ADAM11: variants seen among roughly 807,000 people sequenced by gnomAD.
ADAM11 encodes ADAM metallopeptidase domain 11, also known as disintegrin and metalloproteinase domain-containing protein 11.
Under a neutral mutation model 119.1 loss-of-function variants are expected in ADAM11, and 49 were observed. That is an observed-to-expected ratio of 0.41 (90% CI 0.33 to 0.52). The LOEUF (loss-of-function observed/expected upper bound fraction) is 0.52. Ranked by LOEUF, ADAM11 falls within the 20% of genes least tolerant of loss-of-function variation. The pLI is 0.20. For missense variants in ADAM11, 777 were observed against 1,047.5 expected (o/e 0.74, Z 3.56); for synonymous variants, 364 against 408.0 (o/e 0.89, Z 1.30).
intron 2 of ADAM11, among the ~76,000 whole-genome samples, chr17:44,763,721 C>A (rs1265349052): frequency 1.4e-5 from 2 of 144,250 alleles, no homozygotes; most frequent in Non-Finnish European, 3.1e-5. Context: ...TGTTTTCTTT[C>A]TTTTTTTTTT....
chr17:44,767,376 A>T (rs1161655148), intron 2 of ADAM11, among the ~76,000 whole-genome samples: 3 of 151,228 alleles, frequency 2.0e-5, no homozygotes, highest in Non-Finnish European at 3.0e-5. Context: ...AAAAAAAAAA[A>T]AGAACATTGG....
Position 44,774,475 on chromosome 17 carries a change from A to G in ADAM11, c.1078-17A>G, listed in dbSNP as rs1407989106. ...TGGAAGATGTAGACATCTGTGCCCC[A>G]TCTTCCCCACCCCCAGTACGGCAAC... On this transcript the variant is annotated splice_polypyrimidine_tract_variant and intron_variant, in intron 12 of 26. Transcript: ENST00000200557. 1.2e-6 allele frequency: 2 copies of G among 1,611,788 alleles called. No homozygotes were observed. Among genetic ancestry groups the G allele is most frequent in the Admixed American group, 3.3e-5 (2 of 59,794 alleles).
intron 2 of ADAM11, among the ~76,000 whole-genome samples, chr17:44,761,373 C>G (rs941717067): frequency 6.6e-6 from 1 of 152,084 alleles, no homozygotes; most frequent in Non-Finnish European, 1.5e-5. Flanking sequence ...TGACCCTTTC[C>G]GAACAGAGAC....
rs1482076376 is a variant in ADAM11, at chr17:44,776,841, T to A, written c.1617+46T>A. ...GCCTGGGATTCAGGGCAGTCTCTTGTCTCCACTCTGACCACTCAGCATCTC... is the reference window on the plus strand; with the variant it reads ...GCCTGGGATTCAGGGCAGTCTCTTGACTCCACTCTGACCACTCAGCATCTC... On this transcript the variant is annotated intron_variant, in intron 19 of 26. Coordinates refer to ENST00000200557, the MANE Select transcript of ADAM11 (RefSeq NM_002390.6). The surrounding 1 kb of genome is among the most constrained non-coding windows in gnomAD (Gnocchi z 5.2). 6.2e-7 allele frequency: 1 copy of A among 1,614,010 alleles called. No individual in the cohort carries two copies. Among genetic ancestry groups the A allele is most frequent in the South Asian group, 1.1e-5 (1 of 91,072 alleles).
At position 44,777,667 on chromosome 17, in the gene ADAM11, G is replaced by T. The variant is rs758465806; in HGVS notation, c.1902-28G>T. 3.4e-5 allele frequency: 55 copies of T among 1,613,148 alleles called. No individual in the cohort carries two copies. The highest frequency in any genetic ancestry group is 1.5e-4 in the Admixed American group (9 of 59,990). ...TGTGCTGGGGGTTAGGAGACAGGGG[G>T]CTGAGGCTGGCTGTGTCACTTCCCC... is the stretch of plus-strand genomic sequence containing the variant. On this transcript the variant is annotated intron_variant, in intron 22 of 26. Transcript: ENST00000200557. This position sits in a 1 kb window ranked among gnomAD's most constrained non-coding sequence, Gnocchi z 5.1.
At chr17:44,766,492 G>C (rs2049452342) in intron 2 of ADAM11, among the ~76,000 whole-genome samples, 1 of 152,174 alleles carries the variant, frequency 6.6e-6, no homozygotes, top group Non-Finnish European at 1.5e-5. Flanking sequence ...GAGAGTGGGT[G>C]GGCCAGCCAG....
rs2049592737 is a variant in ADAM11, at chr17:44,775,760, G to C, written c.1485+84G>C. 2.3e-5 allele frequency: 32 copies of C among 1,391,050 alleles called. No individual in the cohort carries two copies. Among genetic ancestry groups the C allele is most frequent in the Non-Finnish European group, 3.1e-5 (32 of 1,032,350 alleles). 86.2% of individuals were successfully genotyped at this position (1,391,050 alleles called of 1,614,324 possible). On this transcript the variant is annotated intron_variant, in intron 17 of 26. Transcript: ENST00000200557. This position sits in a 1 kb window ranked among gnomAD's most constrained non-coding sequence, Gnocchi z 7.5. ...CATATAAGGGGTGGGAGCTAGGGAG[G>C]GAAGCGGAGCCTTCGGGGACGAAGG... is the stretch of plus-strand genomic sequence containing the variant.
At chr17:44,766,945 CTG>C (rs2049457730) in intron 2 of ADAM11, among the ~76,000 whole-genome samples, 2 of 152,072 alleles carry the variant, frequency 1.3e-5, no homozygotes, top group Admixed American at 1.3e-4. Context: ...AGGCTCAAGT[CTG>C]TAATCCTAGC....
chr17:44,759,664 C>A, intron 1 of ADAM11, 58 bp from the exon 2 acceptor site: 1 of 1,311,422 alleles, frequency 7.6e-7, no homozygotes, highest in Non-Finnish European at 9.8e-7. Context: ...CCACCCCATT[C>A]CCAAGTCTTC....
rs2049583833 is a variant in ADAM11, at chr17:44,775,321, C to T, written c.1320+10C>T. ...CAACAAGCCCCTCAAGGTACCAGCCCCGCGGCGGGGAGCATGGGAGCGGGC... is the reference window on the plus strand; with the variant it reads ...CAACAAGCCCCTCAAGGTACCAGCCTCGCGGCGGGGAGCATGGGAGCGGGC... On this transcript the variant is annotated intron_variant, in intron 15 of 26. Transcript: ENST00000200557. This position sits in a 1 kb window ranked among gnomAD's most constrained non-coding sequence, Gnocchi z 7.5. 1.2e-6 allele frequency: 2 copies of T among 1,613,606 alleles called. No homozygotes were observed. Among genetic ancestry groups the T allele is most frequent in the African/African-American group, 1.3e-5 (1 of 74,934 alleles).
intron 2 of ADAM11, among the ~76,000 whole-genome samples, chr17:44,766,809 A>G (rs755160544): frequency 2.0e-5 from 3 of 152,146 alleles, no homozygotes; most frequent in Non-Finnish European, 4.4e-5. Flanking sequence ...CTCAAGACCA[A>G]AGGCCCCTCC....
chr17:44,772,247 C>A lies in ADAM11; in HGVS notation c.544-20C>A. 6.2e-7 allele frequency: 1 copy of A among 1,601,170 alleles called. No homozygotes were observed. Among genetic ancestry groups the A allele is most frequent in the Non-Finnish European group, 8.5e-7 (1 of 1,172,978 alleles). On this transcript the variant is annotated intron_variant, in intron 6 of 26. Coordinates refer to ENST00000200557, the MANE Select transcript of ADAM11 (RefSeq NM_002390.6). This position sits in a 1 kb window ranked among gnomAD's most constrained non-coding sequence, Gnocchi z 4.5. ...GCAGGCCCAGTTGGCACCCCAAGAA[C>A]TAATTTCCCCTCATTGCAGGGACCC...
chr17:44,767,354 CAAAAAAAAAAAA>C (rs72428475), intron 2 of ADAM11, among the ~76,000 whole-genome samples: 5 of 56,920 alleles, frequency 8.8e-5, no homozygotes, highest in East Asian at 5.8e-4. Flanking sequence ...GACTCCATCT[CAAAAAAAAAAAA>C]AAAAAAAAAA....
chr17:44,767,434 G>A (rs2049464620), intron 2 of ADAM11, among the ~76,000 whole-genome samples: 1 of 151,912 alleles, frequency 6.6e-6, no homozygotes, highest in African/African-American at 2.4e-5. Context: ...TGTGCCAGCA[G>A]GAGTCCCCTC....
Position 44,777,257 on chromosome 17 carries a change from C to A in ADAM11, c.1773C>A (p.Cys591Ter), listed in dbSNP as rs747930512. 6.2e-7 allele frequency: 1 copy of A among 1,604,166 alleles called. No individual in the cohort carries two copies. Among genetic ancestry groups the A allele is most frequent in the South Asian group, 1.1e-5 (1 of 90,580 alleles). The change falls in exon 21 of 27, where the codon TGC (cysteine) becomes TGA (stop). Residue 591 changes from cysteine to a stop codon, truncating the protein, a stop_gained. Transcript: ENST00000200557. LOFTEE classifies it high-confidence loss of function. This position sits in a 1 kb window ranked among gnomAD's most constrained non-coding sequence, Gnocchi z 5.1. ...CGRKGSGWVQ[C>*]SKQDVLCGFL... ...GCAAGGGATCTGGCTGGGTCCAGTG[C>A]AGTAAGCAGTGAGTACTGAGGCTCC...
chr17:44,768,302 GA>G (rs1308990219), intron 2 of ADAM11, among the ~76,000 whole-genome samples: 2 of 152,212 alleles, frequency 1.3e-5, no homozygotes, highest in African/African-American at 4.8e-5. Context: ...GCTCAGGATG[GA>G]ATTGGGAGCC....
rs566515861 is a variant in ADAM11, at chr17:44,778,688, C to CA, written c.2276+471dup. Among the ~76,000 whole-genome samples, 508 of 51,896 alleles carry CA rather than the reference C, an allele frequency of 9.8e-3. 11 individuals carry two copies. The highest frequency in any genetic ancestry group is 0.015 in the East Asian group (31 of 2,084). The allele number at this position is 51,896 out of a possible 152,430, so 34.0% of individuals were successfully genotyped here. A position where few individuals can be genotyped will look rare whatever the true frequency, so the allele number is the denominator to read the frequency against. On this transcript the variant is annotated intron_variant, in intron 25 of 26. Coordinates refer to ENST00000200557, the MANE Select transcript of ADAM11 (RefSeq NM_002390.6). ...CCTGGGTGACAGAGCAAGACTGCGT[C>CA]AAAAAAAAAAAAAAAAAAAAAAAAA...
At chr17:44,770,454 C>T (rs1242946579) in intron 4 of ADAM11, among the ~76,000 whole-genome samples, 4 of 150,986 alleles carry the variant, frequency 2.6e-5, no homozygotes, top group Non-Finnish European at 1.5e-5. Context: ...GCTCTAGAGC[C>T]TGAAAATGAA....
Position 44,774,521 on chromosome 17 carries a change from C to T in ADAM11, c.1107C>T (p.Thr369=). The change falls in exon 13 of 27, where the codon ACC becomes ACT. Residue 369 remains threonine (T), a synonymous_variant. Transcript: ENST00000200557. ...GCAACATGGGGGCGATGGCCGTGAC[C>T]CTTGCCCAGACGCTGGGACAGAACC... ...EYGNMGAMAV[T]LAQTLGQNLG... is the part of the protein sequence containing the mutation. 2 of 1,613,398 alleles carry T rather than the reference C, an allele frequency of 1.2e-6. No homozygotes were observed. The highest frequency in any genetic ancestry group is 1.1e-5 in the South Asian group (1 of 91,052).
Sources: gnomAD v4.1 joint callset for allele counts (sites outside exome capture counted in the v4.1 genomes callset) on GRCh38, gnomAD v4.1.1 for gene constraint, Gnocchi (gnomAD v3.1) non-coding constraint, MANE v1.5 for transcripts, NCBI Gene and HGNC (gene_info 2026-07-23, HGNC 2026-07-21) for gene names.